The following TF variants were observed in gnomAD, a reference collection of about 807,000 sequenced individuals.
TF encodes transferrin.
In TF, 55 loss-of-function variants were observed where a neutral mutation model predicts 82.4. That is an observed-to-expected ratio of 0.67 (90% CI 0.54 to 0.84). The LOEUF (loss-of-function observed/expected upper bound fraction) is 0.84. TF is among the 40% of genes least tolerant of loss of function. The probability of loss-of-function intolerance (pLI) is 0.00; values close to 1 mark genes in which losing one functional copy is unlikely to be tolerated. For missense variants in TF, 737 were observed against 868.4 expected (o/e 0.85, Z 1.90); for synonymous variants, 332 against 332.6 (o/e 1.00, Z 0.02).
chr3:133,762,792 T>C (rs2107922587), intron 9 of TF, among the ~76,000 whole-genome samples: 1 of 152,304 alleles, frequency 6.6e-6, no homozygotes, highest in African/African-American at 2.4e-5. Flanking sequence ...ACAAAGAATT[T>C]AATACACATT....
the TF span, among the ~76,000 whole-genome samples, chr3:133,685,972 A>G: frequency 6.6e-6 from 1 of 152,208 alleles, no homozygotes; most frequent in African/African-American, 2.4e-5. Context: ...AGTAACCAAA[A>G]CAGCATGGTA....
the TF span, among the ~76,000 whole-genome samples, chr3:133,717,869 C>A: frequency 6.6e-6 from 1 of 152,104 alleles, no homozygotes; most frequent in African/African-American, 2.4e-5. Context: ...GCAAGAATGA[C>A]AAATAAGTGG....
At chr3:133,693,365 G>T in the TF span, among the ~76,000 whole-genome samples, 1 of 152,216 alleles carries the variant, frequency 6.6e-6, no homozygotes, top group Admixed American at 6.5e-5. Context: ...TGTTCTCCAG[G>T]CTCCCTGTTC....
chr3:133,670,016 A>G, the TF span, among the ~76,000 whole-genome samples: 33 of 152,344 alleles, frequency 2.2e-4, 1 homozygote, highest in African/African-American at 6.0e-4. Flanking sequence ...TTAAACAAAC[A>G]TGGTGCCCCA....
rs1270357489 is a variant in TF at position 133,779,978 on chromosome 3, A to G, written c.*1358A>G. On this transcript the variant is annotated 3_prime_UTR_variant, in exon 17 of 17. Coordinates refer to ENST00000402696, the MANE Select transcript of TF (RefSeq NM_001063.4). Reference sequence around the variant, plus strand: ...CCCTCACACTACATCCAGCGTCACCAAGTTCTGTTGATTTTGCTTTCTAAA... The same window carrying G: ...CCCTCACACTACATCCAGCGTCACCGAGTTCTGTTGATTTTGCTTTCTAAA... 6.6e-6 allele frequency: 1 copy of G among 152,194 alleles called. No individual in the cohort carries two copies. Among genetic ancestry groups the G allele is most frequent in the African/African-American group, 2.4e-5 (1 of 41,434 alleles). 9.4% of individuals were successfully genotyped at this position (152,194 alleles called of 1,614,324 possible). A position where few individuals can be genotyped will look rare whatever the true frequency, so the allele number is the denominator to read the frequency against.
chr3:133,764,898 C>T lies in TF; in HGVS notation c.1321C>T (p.Pro441Ser). The change falls in exon 11 of 17, where the codon CCA (proline) becomes TCA (serine). Residue 441 changes from proline (P) to serine (S), a missense_variant. Transcript: ENST00000402696. ...YNKSDNCEDTPEAGYFAIAVV... is the reference protein window; with the variant it reads ...YNKSDNCEDTSEAGYFAIAVV... Reference sequence around the variant, plus strand: ...AGAGAGCGATAATTGTGAGGATACACCAGAGGCAGGTGAGTTTGAATTGGT... The same window carrying T: ...AGAGAGCGATAATTGTGAGGATACATCAGAGGCAGGTGAGTTTGAATTGGT... 6.2e-7 allele frequency: 1 copy of T among 1,613,928 alleles called. No homozygotes were observed. The highest frequency in any genetic ancestry group is 8.5e-7 in the Non-Finnish European group (1 of 1,179,834).
chr3:133,726,291 C>CT, the TF span, among the ~76,000 whole-genome samples: 4 of 151,864 alleles, frequency 2.6e-5, no homozygotes, highest in Non-Finnish European at 5.9e-5. Flanking sequence ...TGGTCCTGGA[C>CT]TTTTTTTTGT....
chr3:133,717,185 C>A, the TF span, among the ~76,000 whole-genome samples: 2 of 152,122 alleles, frequency 1.3e-5, no homozygotes, highest in African/African-American at 4.8e-5. Context: ...TGAACAAGGA[C>A]CCCGTTGGTT....
the TF span, among the ~76,000 whole-genome samples, chr3:133,740,713 T>A: frequency 2.6e-5 from 4 of 152,180 alleles, no homozygotes; most frequent in African/African-American, 9.7e-5. Flanking sequence ...TGGGAGTACA[T>A]TGAATTTCTA....
chr3:133,683,689 C>T, the TF span, among the ~76,000 whole-genome samples: 2 of 152,158 alleles, frequency 1.3e-5, no homozygotes. Context: ...CAGGAGCACC[C>T]AGATTCGTAA....
chr3:133,752,150 T>C (rs1933693254), intron 2 of TF, among the ~76,000 whole-genome samples: 1 of 149,426 alleles, frequency 6.7e-6, no homozygotes, highest in Admixed American at 6.8e-5. Context: ...TAGAGTGCAG[T>C]GGTACAATCT....
the TF span, among the ~76,000 whole-genome samples, chr3:133,684,898 C>CA: frequency 1.3e-5 from 2 of 152,038 alleles, no homozygotes; most frequent in South Asian, 4.2e-4. Flanking sequence ...AAAGACACAA[C>CA]AAAAAAAGAG....
At chr3:133,689,237 G>A in the TF span, among the ~76,000 whole-genome samples, 1 of 152,076 alleles carries the variant, frequency 6.6e-6, no homozygotes, top group Admixed American at 6.6e-5. Flanking sequence ...GGAGTCTGAG[G>A]CAGGAGAACC....
At chr3:133,682,384 A>G in the TF span, among the ~76,000 whole-genome samples, 2 of 152,234 alleles carry the variant, frequency 1.3e-5, no homozygotes, top group African/African-American at 2.4e-5. Context: ...AGAAGGCTTC[A>G]GACAATCGGT....
intron 9 of TF, chr3:133,761,252 T>C: frequency 4.8e-6 from 1 of 210,170 alleles, no homozygotes. Flanking sequence ...GATGACTACA[T>C]TGGATATTTA....
chr3:133,676,954 C>T, the TF span, among the ~76,000 whole-genome samples: 3 of 152,184 alleles, frequency 2.0e-5, no homozygotes, highest in South Asian at 6.2e-4. Context: ...GTCTGGGATA[C>T]GCTTTCTTCA....
intron 2 of TF, 87 bp downstream of exon 2, chr3:133,748,671 T>TA: frequency 6.6e-7 from 1 of 1,515,436 alleles, no homozygotes; most frequent in Non-Finnish European, 9.0e-7. Context: ...TACTCACAGG[T>TA]AGGAGGCTGA....
chr3:133,709,411 C>G, the TF span: 452 of 152,772 alleles, frequency 3.0e-3, 7 homozygotes, highest in East Asian at 0.052. Context: ...TGGCCCGGTG[C>G]AGGAGGGCTG....
rs1559886523 is a variant in TF, at chr3:133,794,980, T to G, written c.*16360T>G. 1 of 152,218 alleles carries G rather than the reference T, an allele frequency of 6.6e-6. No homozygotes were observed. Among genetic ancestry groups the G allele is most frequent in the Admixed American group, 6.5e-5 (1 of 15,282 alleles). 9.4% of individuals were successfully genotyped at this position (152,218 alleles called of 1,614,324 possible). On this transcript the variant is annotated 3_prime_UTR_variant, in exon 17 of 17. Coordinates refer to ENST00000402696, the MANE Select transcript of TF (RefSeq NM_001063.4). ...CATGATTTGGAATAAAAGAGGCAAA[T>G]GTATCCCTCATAATAGGCTCCATAG...
Sources: allele counts gnomAD v4.1 joint callset (sites outside exome capture counted in the v4.1 genomes callset), GRCh38; gene constraint gnomAD v4.1.1; transcripts MANE v1.5; gene names NCBI Gene and HGNC (gene_info 2026-07-23, HGNC 2026-07-21).